Variants in USP16 observed in about 807,000 individuals in gnomAD.
USP16 encodes the protein ubiquitin carboxyl-terminal hydrolase 16.
USP16 carries 77 observed loss-of-function variants against 95.9 expected under a neutral mutation model. The ratio of observed to expected loss-of-function variants is 0.80; its 90% CI spans 0.67 to 0.97. The LOEUF (loss-of-function observed/expected upper bound fraction) is 0.97. Among genes scored for constraint, USP16 ranks in the 50% least tolerant of loss-of-function variants. The probability of loss-of-function intolerance (pLI) is 0.00; values close to 1 mark genes in which losing one functional copy is unlikely to be tolerated. For missense variants in USP16, 943 were observed against 959.9 expected (o/e 0.98, Z 0.23); for synonymous variants, 303 against 318.2 (o/e 0.95, Z 0.51).
At chr21:29,031,953 C>T (rs574608117) in intron 3 of USP16, among the ~76,000 whole-genome samples, 2 of 152,248 alleles carry the variant, frequency 1.3e-5, no homozygotes, top group Admixed American at 6.5e-5. Flanking sequence ...AGTTTGACTT[C>T]TTTTTTTGTG....
chr21:29,025,606 A>T (rs145924952), intron 1 of USP16: 106 of 239,516 alleles, frequency 4.4e-4, no homozygotes, highest in African/African-American at 2.3e-3. Context: ...AAGTTTTCCT[A>T]TGGAGTCTAA....
chr21:29,048,770 A>C lies in USP16; in HGVS notation c.2021A>C (p.Lys674Thr), dbSNP rs1192207798. 1 of 1,613,212 alleles carries C rather than the reference A, an allele frequency of 6.2e-7. No individual in the cohort carries two copies. Among genetic ancestry groups the C allele is most frequent in the East Asian group, 2.2e-5 (1 of 44,840 alleles). The change falls in exon 15 of 18, where the codon AAG (lysine) becomes ACG (threonine). Residue 674 changes from lysine to threonine, a missense_variant. Physicochemically the swap from Lys to Thr is moderately conservative, Grantham distance 78 (BLOSUM62 -1). Transcript: ENST00000399976. ...TTCTTCTTTTCTTTAGGTGAAAGGA[A>C]GCATGTTTACACCAATGCCAAAAAG... ...GPKANIKGER[K>T]HVYTNAKKQM...
intron 16 of USP16, chr21:29,053,486 GGTT>G (rs2085447231): frequency 1.2e-5 from 3 of 243,104 alleles, no homozygotes; most frequent in South Asian, 1.8e-4. Flanking sequence ...TAATAGCTAG[GGTT>G]GTTAAGAATT....
chr21:29,041,816 T>C (rs2085247512), intron 10 of USP16, among the ~76,000 whole-genome samples, 197 bp from the exon 11 acceptor site: 1 of 152,204 alleles, frequency 6.6e-6, no homozygotes, highest in Non-Finnish European at 1.5e-5. Flanking sequence ...TGTTCAATTA[T>C]GTTATGCTCA....
intron 12 of USP16, chr21:29,042,730 T>C (rs1307376444): frequency 2.0e-6 from 1 of 491,986 alleles, no homozygotes; most frequent in Non-Finnish European, 3.5e-6. Context: ...AAAGATGATG[T>C]ATTCAGAATT....
chr21:29,045,642 C>T lies in USP16; in HGVS notation c.1357-1025C>T, dbSNP rs938248645. On this transcript the variant is annotated intron_variant, in intron 13 of 17. Transcript: ENST00000399976. ...TTCTTTCTGTTAGTGTGGAGTCAGA[C>T]CCACCGTGTGGTATAACATTTGACT... Among the ~76,000 whole-genome samples the T allele has an allele frequency of 2.0e-5, 3 of 151,986 alleles. No individual in the cohort carries two copies. In the East Asian group the frequency reaches 5.8e-4, roughly 29 times the overall value.
intron 9 of USP16, among the ~76,000 whole-genome samples, chr21:29,039,939 C>A (rs907288355): frequency 1.3e-5 from 2 of 151,954 alleles, no homozygotes; most frequent in African/African-American, 4.8e-5. Flanking sequence ...TTTTTTGAAC[C>A]TAGGAAGTAT....
At chr21:29,024,886 T>C in intron 1 of USP16, 109 bp downstream of exon 1, 1 of 1,111,150 alleles carries the variant, frequency 9.0e-7, no homozygotes, top group Non-Finnish European at 1.1e-6. Flanking sequence ...GCCGCTCTCC[T>C]TAAGCACGTA....
At chr21:29,041,350 C>T (rs1333455160) in intron 10 of USP16, among the ~76,000 whole-genome samples, 1 of 152,070 alleles carries the variant, frequency 6.6e-6, no homozygotes, top group Non-Finnish European at 1.5e-5. Context: ...TGTGGTTCTG[C>T]ATAAATTATC....
intron 1 of USP16, chr21:29,025,710 A>G: frequency 2.0e-6 from 2 of 983,278 alleles, no homozygotes; most frequent in Non-Finnish European, 2.4e-6. Flanking sequence ...TTTCACCAGA[A>G]CTTGTTTGCT....
intron 12 of USP16, chr21:29,043,130 A>G (rs902565889): frequency 5.2e-6 from 1 of 191,026 alleles, no homozygotes; most frequent in Admixed American, 6.1e-5. Flanking sequence ...TTGGAAATGG[A>G]CGTATTTACA....
intron 10 of USP16, among the ~76,000 whole-genome samples, chr21:29,041,401 G>A (rs1237360157): frequency 6.6e-6 from 1 of 152,070 alleles, no homozygotes; most frequent in East Asian, 1.9e-4. Flanking sequence ...TTGGAAAATT[G>A]GCTGATCAAG....
At chr21:29,038,257 A>G in intron 6 of USP16, 78 bp from the exon 7 acceptor site, 1 of 924,216 alleles carries the variant, frequency 1.1e-6, no homozygotes, top group Non-Finnish European at 1.7e-6. Flanking sequence ...CTGTTTTGAT[A>G]GAATAGACAC....
Position 29,042,053 on chromosome 21 carries a change from C to T in USP16, c.1071C>T (p.Arg357=), listed in dbSNP as rs747016127. The change falls in exon 11 of 18, where the codon CGC becomes CGT. Residue 357 remains arginine (R), a synonymous_variant. Coordinates refer to ENST00000399976, the MANE Select transcript of USP16 (RefSeq NM_006447.3). ...KKKSMPSFVD[R]IFGGELTSMI... is the part of the protein sequence containing the mutation. ...AATCAATGCCAAGTTTTGTTGACCGCATCTTTGGTGGTGAACTAACTAGTA... is the reference window on the plus strand; with the variant it reads ...AATCAATGCCAAGTTTTGTTGACCGTATCTTTGGTGGTGAACTAACTAGTA... 18 of 1,613,078 alleles carry T rather than the reference C, an allele frequency of 1.1e-5. No homozygotes were observed. The African/African-American group carries it at 2.1e-4, about 19-fold the overall frequency.
rs1159664351 is a variant in USP16 at position 29,046,781 on chromosome 21, G to T, written c.1471G>T (p.Val491Leu). ...AGCTGAAATGTCACTTCAAGGAGAA[G>T]TAAATATTAAATCCAACCATATTTC... ...YEAEMSLQGE[V>L]NIKSNHISQE... Residue 491 changes from valine to leucine, a missense_variant, in exon 14 of 18, where the codon GTA (valine) becomes TTA (leucine). Transcript: ENST00000399976. The T allele has an allele frequency of 1.9e-6, 3 of 1,613,964 alleles. No individual in the cohort carries two copies. Among genetic ancestry groups the T allele is most frequent in the Non-Finnish European group, 2.5e-6 (3 of 1,180,034 alleles).
At chr21:29,042,157 C>G (rs2085254492) in intron 11 of USP16, 53 bp downstream of exon 11, 1 of 1,476,582 alleles carries the variant, frequency 6.8e-7, no homozygotes, top group Non-Finnish European at 9.3e-7. Flanking sequence ...AACAGTTTAT[C>G]AATTGTTTAT....
At chr21:29,037,985 G>A (rs1211614024) in intron 6 of USP16, among the ~76,000 whole-genome samples, 5 of 152,202 alleles carry the variant, frequency 3.3e-5, no homozygotes, top group Non-Finnish European at 7.4e-5. Context: ...TTCTTTCATG[G>A]AGCTTGCACT....
rs2085230021 is a variant in USP16 at position 29,040,662 on chromosome 21, T to G, written c.1005T>G (p.Asp335Glu). Reference protein sequence around the residue: ...KAFGNSTEKLDEELKNKVKDY... With the variant: ...KAFGNSTEKLEEELKNKVKDY... ...TTGGTAATTCTACTGAAAAGTTGGA[T>G]GAAGAACTAAAAAATAAAGTTAAAG... is the stretch of plus-strand genomic sequence containing the variant. The change falls in exon 10 of 18, where the codon GAT (aspartate) becomes GAG (glutamate). Residue 335 changes from aspartate (D) to glutamate (E), a missense_variant. Asp to Glu is a conservative substitution (Grantham distance 45). Coordinates refer to ENST00000399976, the MANE Select transcript of USP16 (RefSeq NM_006447.3). The G allele has an allele frequency of 6.5e-7, 1 of 1,546,298 alleles. No individual in the cohort carries two copies. The highest frequency in any genetic ancestry group is 1.8e-5 in the Admixed American group (1 of 56,602).
In USP16 at chr21:29,047,017, A is replaced by T. The variant is rs1306333782; in HGVS notation, c.1707A>T (p.Glu569Asp). The T allele has an allele frequency of 1.2e-6, 2 of 1,614,042 alleles. No individual in the cohort carries two copies. The highest frequency in any genetic ancestry group is 2.7e-5 in the African/African-American group (2 of 74,940). Residue 569 changes from glutamate to aspartate, a missense_variant, in exon 14 of 18, where the codon GAA becomes GAT. By Grantham distance (45) the Glu-to-Asp change is conservative. Transcript: ENST00000399976. ...ACCTAACGGAAGGGAGCAATGGAGA[A>T]GTGGACATTTCCAATGGTTTCAAAA... is the stretch of plus-strand genomic sequence containing the variant. ...GAYLTEGSNG[E>D]VDISNGFKNL...
Sources: gnomAD v4.1 joint callset for allele counts (sites outside exome capture counted in the v4.1 genomes callset) on GRCh38, gnomAD v4.1.1 for gene constraint, MANE v1.5 for transcripts, NCBI Gene and HGNC (gene_info 2026-07-23, HGNC 2026-07-21) for gene names.